Variants in BTBD6 observed in about 807,000 individuals in gnomAD.
BTBD6 encodes the protein BTB/POZ domain-containing protein 6.
BTBD6 carries 30 observed loss-of-function variants against 40.6 expected under a neutral mutation model. That is an observed-to-expected ratio of 0.74 (90% CI 0.55 to 1.00). BTBD6 has a LOEUF of 1.00. BTBD6 is among the 50% of genes least tolerant of loss of function. The pLI, the probability that BTBD6 is intolerant of heterozygous loss-of-function variation, is 0.00. For missense variants in BTBD6, 698 were observed against 694.6 expected, an observed-to-expected ratio of 1.00 and a Z score of -0.06; for synonymous variants, 378 against 308.7, an observed-to-expected ratio of 1.22 and a Z score of -2.35.
chr14:105,249,735 C>T lies in BTBD6; in HGVS notation c.680C>T (p.Ala227Val). 1 of 1,613,956 alleles carries T rather than the reference C, an allele frequency of 6.2e-7. No individual in the cohort carries two copies. Among genetic ancestry groups the T allele is most frequent in the Non-Finnish European group, 8.5e-7 (1 of 1,180,048 alleles). Reference sequence around the variant, plus strand: ...TACATCGTCCCAGCATTGGCAAAAGCCTGTGTCAACTTTCTGGAGACAAGT... The same window carrying T: ...TACATCGTCCCAGCATTGGCAAAAGTCTGTGTCAACTTTCTGGAGACAAGT... ...KKYIVPALAK[A>V]CVNFLETSLE... Residue 227 changes from alanine to valine, a missense_variant, in exon 4 of 4, where the codon GCC (alanine) becomes GTC (valine). Physicochemically the swap from Ala to Val is moderately conservative, Grantham distance 64. Coordinates refer to ENST00000392554, the MANE Select transcript of BTBD6 (RefSeq NM_001387567.1).
At position 105,248,934 on chromosome 14, in the gene BTBD6, G is replaced by T; in HGVS notation, c.223G>T (p.Gly75Cys). The T allele has an allele frequency of 1.0e-6, 1 of 984,820 alleles. No homozygotes were observed. Among genetic ancestry groups the T allele is most frequent in the Non-Finnish European group, 1.2e-6 (1 of 831,200 alleles). 61.0% of individuals were successfully genotyped at this position (984,820 alleles called of 1,614,324 possible). The part of the protein sequence containing the change: ...AAADLANSNA[G>C]AAVGRKAGPR... ...CGCGGACCTAGCCAACAGCAACGCC[G>T]GCGCCGCCGTGGGCAGGAAGGCCGG... Residue 75 changes from glycine (G) to cysteine (C), a missense_variant, in exon 1 of 4, where the codon GGC becomes TGC. Transcript: ENST00000392554.
chr14:105,250,140 A>T lies in BTBD6; in HGVS notation c.1085A>T (p.His362Leu), dbSNP rs149304496. The part of the protein sequence containing the change: ...QSDILTLEET[H>L]SIFLWYTATN... ...GACATCCTGACTCTGGAGGAGACCC[A>T]CAGCATCTTCCTGTGGTACACGGCC... The change falls in exon 4 of 4, where the codon CAC becomes CTC. Residue 362 changes from histidine to leucine, a missense_variant. By Grantham distance (99) the His-to-Leu change is moderately conservative. Transcript: ENST00000392554. 934 of 1,612,858 alleles carry T rather than the reference A, an allele frequency of 5.8e-4. 11 individuals are homozygous for T. Among genetic ancestry groups the T allele is most frequent in the Admixed American group, 1.5e-4 (9 of 60,006 alleles).
Position 105,250,869 on chromosome 14 carries a change from T to G in BTBD6, c.*197T>G, listed in dbSNP as rs1227312261. The G allele has an allele frequency of 1.6e-6, 1 of 630,890 alleles. No homozygotes were observed. The highest frequency in any genetic ancestry group is 2.1e-5 in the South Asian group (1 of 48,614). 39.1% of individuals were successfully genotyped at this position (630,890 alleles called of 1,614,324 possible). On this transcript the variant is annotated 3_prime_UTR_variant, in exon 4 of 4. Coordinates refer to ENST00000392554, the MANE Select transcript of BTBD6 (RefSeq NM_001387567.1). ...GGAGTCTTAGGCATCTCTGGTACAG[T>G]GGGGTGCACGTCTCAGGTGGAGGAA... is the stretch of plus-strand genomic sequence containing the variant.
Position 105,249,461 on chromosome 14 carries a change from C to T in BTBD6, c.567C>T (p.Ala189=), listed in dbSNP as rs1396869175. The T allele has an allele frequency of 1.0e-5, 16 of 1,601,118 alleles. 1 individual carries two copies. The Middle Eastern group carries it at 6.7e-4, about 67-fold the overall frequency. ...ACATTCCAGACGTGGAGCCCGCAGC[C>T]TTTCTGATCCTCTTAAAGTAAGTCC... ...EIHIPDVEPA[A]FLILLKYMYS... Residue 189 remains alanine, a synonymous_variant, in exon 3 of 4, where the codon GCC becomes GCT. Transcript: ENST00000392554.
In BTBD6 at chr14:105,250,356, G is replaced by A; in HGVS notation, c.1301G>A (p.Gly434Glu). 1 of 1,613,670 alleles carries A rather than the reference G, an allele frequency of 6.2e-7. No homozygotes were observed. The highest frequency in any genetic ancestry group is 8.5e-7 in the Non-Finnish European group (1 of 1,180,024). ...AGLGLYGSSS[G>E]KAEYSVKIEL... ...CTGGGCCTGTATGGCTCCAGCTCTG[G>A]GAAGGCTGAGTACAGCGTGAAGATT... is the stretch of plus-strand genomic sequence containing the variant. Residue 434 changes from glycine (G) to glutamate (E), a missense_variant, in exon 4 of 4, where the codon GGG (glycine) becomes GAG (glutamate). Gly to Glu is a moderately conservative substitution (Grantham distance 98). Coordinates refer to ENST00000392554, the MANE Select transcript of BTBD6 (RefSeq NM_001387567.1).
chr14:105,248,561 G>C lies in BTBD6; in HGVS notation c.-151G>C. The stretch of plus-strand genomic sequence containing the variant: ...GCGTGACGCACCGGCGCCGCGGCGG[G>C]TACGGGCTCGGGCGGGCGGGCGGGC... On this transcript the variant is annotated 5_prime_UTR_variant, in exon 1 of 4. Coordinates refer to ENST00000392554, the MANE Select transcript of BTBD6 (RefSeq NM_001387567.1). 2 of 898,858 alleles carry C rather than the reference G, an allele frequency of 2.2e-6. No individual in the cohort carries two copies. Among genetic ancestry groups the C allele is most frequent in the Middle Eastern group, 5.7e-4 (1 of 1,752 alleles). 55.7% of individuals were successfully genotyped at this position (898,858 alleles called of 1,614,324 possible).
chr14:105,250,781 C>T lies in BTBD6; in HGVS notation c.*109C>T. ...TGCTCTTAACTTTGTCTCTCTTTGA[C>T]ATGTAGTCAGCTGAAGCTTGACTGT... On this transcript the variant is annotated 3_prime_UTR_variant, in exon 4 of 4. Transcript: ENST00000392554. The T allele has an allele frequency of 1.7e-6, 2 of 1,178,302 alleles. No homozygotes were observed. The highest frequency in any genetic ancestry group is 3.1e-5 in the African/African-American group (2 of 64,906). 73.0% of individuals were successfully genotyped at this position (1,178,302 alleles called of 1,614,324 possible). A position where few individuals can be genotyped will look rare whatever the true frequency, so the allele number is the denominator to read the frequency against.
Position 105,250,218 on chromosome 14 carries a change from C to A in BTBD6, c.1163C>A (p.Pro388Gln). ...CTGACCAAGAGGAAGGGCCTCGCCC[C>A]GCAGAGGTGCCACCGATTCCAGTCT... Reference protein sequence around the residue: ...FPLTKRKGLAPQRCHRFQSSA... With the variant: ...FPLTKRKGLAQQRCHRFQSSA... Residue 388 changes from proline (P) to glutamine (Q), a missense_variant, in exon 4 of 4, where the codon CCG becomes CAG. By Grantham distance (76) the Pro-to-Gln change is moderately conservative. Coordinates refer to ENST00000392554, the MANE Select transcript of BTBD6 (RefSeq NM_001387567.1). The A allele has an allele frequency of 8.7e-6, 14 of 1,612,952 alleles. No individual in the cohort carries two copies. Among genetic ancestry groups the A allele is most frequent in the Non-Finnish European group, 1.1e-5 (13 of 1,180,026 alleles).
At chr14:105,249,132 C>G in intron 1 of BTBD6, 25 bp from the exon 2 acceptor site, 1 of 1,547,540 alleles carries the variant, frequency 6.5e-7, no homozygotes, top group Non-Finnish European at 8.7e-7. Flanking sequence ...GCCCACGCCC[C>G]CAGCCCGTGC....
At position 105,250,164 on chromosome 14, in the gene BTBD6, C is replaced by T; in HGVS notation, c.1109C>T (p.Ala370Val). The change falls in exon 4 of 4, where the codon GCC becomes GTC. Residue 370 changes from alanine (A) to valine (V), a missense_variant. Ala to Val is a moderately conservative substitution (Grantham distance 64). Coordinates refer to ENST00000392554, the MANE Select transcript of BTBD6 (RefSeq NM_001387567.1). ...CACAGCATCTTCCTGTGGTACACGG[C>T]CACCAACAAGCCCCGCCTGGACTTT... ...ETHSIFLWYT[A>V]TNKPRLDFPL... 6.2e-7 allele frequency: 1 copy of T among 1,612,966 alleles called. No homozygotes were observed. The highest frequency in any genetic ancestry group is 8.5e-7 in the Non-Finnish European group (1 of 1,180,036).
In BTBD6 at chr14:105,249,968, G is replaced by A. The variant is rs1403962155; in HGVS notation, c.913G>A (p.Val305Ile). 1.3e-5 allele frequency: 21 copies of A among 1,612,268 alleles called. No homozygotes were observed. Among genetic ancestry groups the A allele is most frequent in the Non-Finnish European group, 1.6e-5 (19 of 1,180,024 alleles). The change falls in exon 4 of 4, where the codon GTC (valine) becomes ATC (isoleucine). Residue 305 changes from valine to isoleucine, a missense_variant. Val to Ile is a conservative substitution (Grantham distance 29). Coordinates refer to ENST00000392554, the MANE Select transcript of BTBD6 (RefSeq NM_001387567.1). ...CAAAGAGGCGGTGGTCTTCGAGGCC[G>A]TCCTGAACTGGGCCGAGGCGGAGTG... Reference protein sequence around the residue: ...NTKEAVVFEAVLNWAEAECKR... With the variant: ...NTKEAVVFEAILNWAEAECKR...
Position 105,250,785 on chromosome 14 carries a change from T to C in BTBD6, c.*113T>C. The C allele has an allele frequency of 3.5e-6, 4 of 1,140,382 alleles. No individual in the cohort carries two copies. Among genetic ancestry groups the C allele is most frequent in the South Asian group, 3.2e-5 (2 of 63,450 alleles). 70.6% of individuals were successfully genotyped at this position (1,140,382 alleles called of 1,614,324 possible). On this transcript the variant is annotated 3_prime_UTR_variant, in exon 4 of 4. Coordinates refer to ENST00000392554, the MANE Select transcript of BTBD6 (RefSeq NM_001387567.1). ...CTTAACTTTGTCTCTCTTTGACATG[T>C]AGTCAGCTGAAGCTTGACTGTGTAG...
rs2055545525 is a variant in BTBD6, at chr14:105,250,555, G to C, written c.1500G>C (p.Glu500Asp). Reference sequence around the variant, plus strand: ...GCGAACTCAGCTACTTTGGGCAGGAGGGGATGACGGAAGTGCAGTGTGGAA... The same window carrying C: ...GCGAACTCAGCTACTTTGGGCAGGACGGGATGACGGAAGTGCAGTGTGGAA... Reference protein sequence around the residue: ...DGSELSYFGQEGMTEVQCGKV... With the variant: ...DGSELSYFGQDGMTEVQCGKV... Residue 500 changes from glutamate (E) to aspartate (D), a missense_variant, in exon 4 of 4, where the codon GAG becomes GAC. Physicochemically the swap from Glu to Asp is conservative, Grantham distance 45. Transcript: ENST00000392554. 6.2e-7 allele frequency: 1 copy of C among 1,614,006 alleles called. No homozygotes were observed. The highest frequency in any genetic ancestry group is 1.7e-5 in the Admixed American group (1 of 60,000).
In BTBD6 at chr14:105,249,679, G is replaced by A. The variant is rs762833486; in HGVS notation, c.624G>A (p.Thr208=). The A allele has an allele frequency of 3.7e-6, 6 of 1,613,300 alleles. No individual in the cohort carries two copies. Among genetic ancestry groups the A allele is most frequent in the African/African-American group, 2.7e-5 (2 of 75,046 alleles). The change falls in exon 4 of 4, where the codon ACG becomes ACA. Residue 208 remains threonine, a synonymous_variant. Coordinates refer to ENST00000392554, the MANE Select transcript of BTBD6 (RefSeq NM_001387567.1). ...ATGAGATCGATCTGGAAGCCGACAC[G>A]GTGCTGGCCACTCTGTACGCTGCTA... ...YSDEIDLEAD[T]VLATLYAAKK...
chr14:105,250,743 C>T lies in BTBD6; in HGVS notation c.*71C>T. On this transcript the variant is annotated 3_prime_UTR_variant, in exon 4 of 4. Transcript: ENST00000392554. ...AGTCAAGATGCTAACTGCTTCTTGA[C>T]ACCATGAAAGGCTGCTCTTAACTTT... 3 of 1,454,412 alleles carry T rather than the reference C, an allele frequency of 2.1e-6. No individual in the cohort carries two copies. Among genetic ancestry groups the T allele is most frequent in the East Asian group, 2.3e-5 (1 of 43,430 alleles). 90.1% of individuals were successfully genotyped at this position (1,454,412 alleles called of 1,614,324 possible).
Position 105,250,646 on chromosome 14 carries a change from A to G in BTBD6, c.1591A>G (p.Ile531Val). The G allele has an allele frequency of 6.2e-7, 1 of 1,610,780 alleles. No homozygotes were observed. Among genetic ancestry groups the G allele is most frequent in the Non-Finnish European group, 8.5e-7 (1 of 1,177,990 alleles). ...CGGGACTGGGGTCCAGGGTGGGCAG[A>G]TCCCTGAGCTCATTTTCTATGCCTG... is the stretch of plus-strand genomic sequence containing the variant. ...TNGTGVQGGQ[I>V]PELIFYA is the part of the protein sequence containing the mutation. The change falls in exon 4 of 4, where the codon ATC (isoleucine) becomes GTC (valine). Residue 531 changes from isoleucine (I) to valine (V), a missense_variant. Transcript: ENST00000392554.
chr14:105,249,305 G>T (rs1275546959), intron 2 of BTBD6, 55 bp from the exon 3 acceptor site: 1 of 1,585,488 alleles, frequency 6.3e-7, no homozygotes, highest in Non-Finnish European at 8.6e-7. Context: ...CCGCCGTGTG[G>T]CTGACACGCA....
At chr14:105,249,536 C>G (rs2055450654) in intron 3 of BTBD6, 58 bp downstream of exon 3, 2 of 1,600,158 alleles carry the variant, frequency 1.2e-6, no homozygotes, top group Non-Finnish European at 1.7e-6. Flanking sequence ...CCTCCGGAGG[C>G]TTCTGAAGGG....
In BTBD6 at chr14:105,250,711, G is replaced by T; in HGVS notation, c.*39G>T. 1 of 1,568,572 alleles carries T rather than the reference G, an allele frequency of 6.4e-7. No individual in the cohort carries two copies. Among genetic ancestry groups the T allele is most frequent in the Non-Finnish European group, 8.7e-7 (1 of 1,153,292 alleles). ...GCTGCAGCAGGTCAGCGAGTGAGTG[G>T]AGGGGAAGTCAAGATGCTAACTGCT... On this transcript the variant is annotated 3_prime_UTR_variant, in exon 4 of 4. Coordinates refer to ENST00000392554, the MANE Select transcript of BTBD6 (RefSeq NM_001387567.1).
Sources: allele counts gnomAD v4.1 joint callset, GRCh38; gene constraint gnomAD v4.1.1; transcripts MANE v1.5; gene names NCBI Gene and HGNC (gene_info 2026-07-23, HGNC 2026-07-21).